BRCA1: variants seen among roughly 807,000 people sequenced by gnomAD.
BRCA1 encodes breast cancer type 1 susceptibility protein.
BRCA1 carries 140 observed loss-of-function variants against 173.7 expected under a neutral mutation model. The ratio of observed to expected loss-of-function variants is 0.81; its 90% CI spans 0.70 to 0.93. The LOEUF is 0.93. Ranked by LOEUF, BRCA1 falls within the 40% of genes least tolerant of loss-of-function variation. The pLI, the probability that BRCA1 is intolerant of heterozygous loss-of-function variation, is 0.00. For missense variants in BRCA1, 1,983 were observed against 2,172.5 expected (o/e 0.91, Z 1.73); for synonymous variants, 662 against 756.0 (o/e 0.88, Z 2.04).
intron 2 of BRCA1, among the ~76,000 whole-genome samples, chr17:43,120,128 A>C (rs1053266815): frequency 7.2e-5 from 11 of 152,222 alleles, no homozygotes; most frequent in African/African-American, 2.7e-4. Context: ...TTAGGTTGAA[A>C]AACAACAACC....
intron 1 of BRCA1, among the ~76,000 whole-genome samples, chr17:43,137,923 G>T (rs570916854): frequency 6.6e-6 from 1 of 151,940 alleles, no homozygotes; most frequent in Non-Finnish European, 1.5e-5. Flanking sequence ...GCGGTGTCTC[G>T]CACCTGTAAT....
chr17:43,104,186 T>C lies in BRCA1; in HGVS notation c.377A>G (p.Gln126Arg). 6.2e-7 allele frequency: 1 copy of C among 1,614,108 alleles called. No homozygotes were observed. The highest frequency in any genetic ancestry group is 8.5e-7 in the Non-Finnish European group (1 of 1,179,956). Reference protein sequence around the residue: ...EHLKDEVSIIQSMGYRNRAKR... With the variant: ...EHLKDEVSIIRSMGYRNRAKR... ...GGCACGGTTTCTGTAGCCCATACTT[T>C]GGATGATAGAAACTTCATCTTTTAG... The change falls in exon 6 of 23, where the codon CAA becomes CGA. Residue 126 changes from glutamine to arginine, a missense_variant. Transcript: ENST00000357654.
intron 3 of BRCA1, among the ~76,000 whole-genome samples, chr17:43,111,259 C>T (rs549577188): frequency 2.6e-5 from 4 of 152,198 alleles, no homozygotes; most frequent in Admixed American, 6.5e-5. Context: ...GTGGCTCATG[C>T]CTGTAATCCT....
chr17:43,162,504 A>G (rs904205599), intron 1 of BRCA1: 2 of 152,204 alleles, frequency 1.3e-5, no homozygotes, highest in Non-Finnish European at 2.9e-5. Flanking sequence ...AACACACATC[A>G]GGTTGGTCAC....
At chr17:43,147,011 T>A (rs548321471) in intron 1 of BRCA1, among the ~76,000 whole-genome samples, 87 of 152,010 alleles carry the variant, frequency 5.7e-4, no homozygotes, top group African/African-American at 2.0e-3. Flanking sequence ...CTCATGGCTT[T>A]TTTTTTTTTT....
At chr17:43,103,446 G>A (rs1229764121) in intron 6 of BRCA1, among the ~76,000 whole-genome samples, 2 of 146,526 alleles carry the variant, frequency 1.4e-5, no homozygotes, top group Non-Finnish European at 3.0e-5. Context: ...CAGCCTGGGC[G>A]ACAGAGCGAG....
intron 1 of BRCA1, among the ~76,000 whole-genome samples, chr17:43,153,295 A>G (rs1301603664): frequency 6.6e-6 from 1 of 152,204 alleles, no homozygotes; most frequent in African/African-American, 2.4e-5. Flanking sequence ...TTCCCCTGAG[A>G]AAAAGAAGGA....
chr17:43,075,027 GGAAA>G (rs1473743089), intron 13 of BRCA1, among the ~76,000 whole-genome samples: 2 of 143,174 alleles, frequency 1.4e-5, no homozygotes, highest in African/African-American at 5.2e-5. Context: ...AAAGAAAGAA[GGAAA>G]GAAGGAAGGA....
At chr17:43,096,634 T>C (rs2154519323) in intron 8 of BRCA1, among the ~76,000 whole-genome samples, 1 of 150,994 alleles carries the variant, frequency 6.6e-6, no homozygotes, top group Non-Finnish European at 1.5e-5. Context: ...GTAACATAGT[T>C]GGGGTTGCTT....
chr17:43,083,088 T>C (rs982731530), intron 11 of BRCA1, among the ~76,000 whole-genome samples: 4 of 152,186 alleles, frequency 2.6e-5, no homozygotes, highest in Non-Finnish European at 1.5e-5. Context: ...ATAAAAATAC[T>C]ATCAGTAATC....
intron 1 of BRCA1, among the ~76,000 whole-genome samples, chr17:43,133,593 T>C (rs1481829933): frequency 6.6e-6 from 1 of 151,986 alleles, no homozygotes; most frequent in East Asian, 1.9e-4. Context: ...AGTCTGTCTT[T>C]AGCTCCTTTC....
chr17:43,053,451 A>G (rs2051332843), intron 19 of BRCA1, among the ~76,000 whole-genome samples: 1 of 151,708 alleles, frequency 6.6e-6, no homozygotes. Context: ...TCACGAGGTC[A>G]AGAGATGGAG....
intron 3 of BRCA1, among the ~76,000 whole-genome samples, chr17:43,115,288 G>T (rs1025810297): frequency 6.6e-6 from 1 of 152,118 alleles, no homozygotes; most frequent in African/African-American, 2.4e-5. Flanking sequence ...TGGATCACAA[G>T]GTCAGGAGTT....
intron 18 of BRCA1, among the ~76,000 whole-genome samples, chr17:43,058,547 G>C (rs547519830): frequency 3.3e-5 from 5 of 152,296 alleles, no homozygotes; most frequent in East Asian, 1.9e-4. Context: ...TTTGTGTGCA[G>C]AACTTAACAA....
chr17:43,071,720 T>C lies in BRCA1; in HGVS notation c.4676-482A>G, dbSNP rs553903746. Among the ~76,000 whole-genome samples, 414 of 152,210 alleles carry C rather than the reference T, an allele frequency of 2.7e-3. 6 individuals are homozygous for C. The highest frequency in any genetic ancestry group is 1.1e-3 in the Non-Finnish European group (75 of 68,014). ...ACATTATTTTAAAAATAAAAGTTTA[T>C]GGGCCGAGCACGGTGGCTCACACCT... is the stretch of plus-strand genomic sequence containing the variant. On this transcript the variant is annotated intron_variant, in intron 14 of 22. Coordinates refer to ENST00000357654, the MANE Select transcript of BRCA1 (RefSeq NM_007294.4).
chr17:43,106,390 T>C (rs376994550), intron 4 of BRCA1, 66 bp downstream of exon 4: 13 of 1,056,018 alleles, frequency 1.2e-5, no homozygotes, highest in African/African-American at 9.6e-5. Context: ...CGCTATGTTA[T>C]TAAATAATTT....
chr17:43,143,816 G>A (rs550360554), intron 1 of BRCA1, among the ~76,000 whole-genome samples: 10 of 152,108 alleles, frequency 6.6e-5, no homozygotes, highest in Non-Finnish European at 1.0e-4. Flanking sequence ...ATACAGTCCC[G>A]CAGAGGGCAG....
chr17:43,152,893 G>C (rs1460842237), intron 1 of BRCA1, among the ~76,000 whole-genome samples: 1 of 151,872 alleles, frequency 6.6e-6, no homozygotes, highest in South Asian at 2.1e-4. Context: ...AAATAAGCTG[G>C]GCATAGCAGT....
rs1467535423 is a variant in BRCA1, at chr17:43,067,692, G to A, written c.4990C>T (p.Leu1664Phe). Reference protein sequence around the residue: ...VSGLTPEEFMLVYKFARKHHI... With the variant: ...VSGLTPEEFMFVYKFARKHHI... ...TGTTTTCTGGCAAACTTGTACACGA[G>A]CATCTGAAATTAAATCAAATATTCC... Residue 1664 changes from leucine to phenylalanine, a missense_variant, in exon 16 of 23, where the codon CTC (leucine) becomes TTC (phenylalanine). Leu to Phe is a conservative substitution (Grantham distance 22). Coordinates refer to ENST00000357654, the MANE Select transcript of BRCA1 (RefSeq NM_007294.4). 1 of 1,610,124 alleles carries A rather than the reference G, an allele frequency of 6.2e-7. No individual in the cohort carries two copies. Among genetic ancestry groups the A allele is most frequent in the South Asian group, 1.1e-5 (1 of 90,996 alleles).
Sources: gnomAD v4.1 joint callset for allele counts (sites outside exome capture counted in the v4.1 genomes callset) on GRCh38, gnomAD v4.1.1 for gene constraint, MANE v1.5 for transcripts, NCBI Gene and HGNC (gene_info 2026-07-23, HGNC 2026-07-21) for gene names.